SLC44A5: variants seen among roughly 807,000 people sequenced by gnomAD.
SLC44A5 encodes the protein solute carrier family 44 member 5, also known as choline transporter-like protein 5.
SLC44A5 carries 57 observed loss-of-function variants against 101.8 expected under a neutral mutation model. The ratio of observed to expected loss-of-function variants is 0.56; its 90% CI spans 0.45 to 0.70. The LOEUF is 0.70. SLC44A5 is among the 30% of genes least tolerant of loss of function. The pLI, the probability that SLC44A5 is intolerant of heterozygous loss-of-function variation, is 0.00. For missense variants in SLC44A5, 737 were observed against 853.1 expected (o/e 0.86, Z 1.70); for synonymous variants, 281 against 290.9 (o/e 0.97, Z 0.35).
At chr1:75,451,575 G>A (rs1665911370) in intron 2 of SLC44A5, among the ~76,000 whole-genome samples, 1 of 151,986 alleles carries the variant, frequency 6.6e-6, no homozygotes, top group Non-Finnish European at 1.5e-5. Flanking sequence ...AAAACTAATA[G>A]CATCTCCAGA....
intron 2 of SLC44A5, among the ~76,000 whole-genome samples, chr1:75,461,189 C>G (rs1230059962): frequency 1.3e-5 from 2 of 152,232 alleles, no homozygotes; most frequent in East Asian, 3.9e-4. Context: ...TCACATAAAC[C>G]AAAAGAGATC....
At chr1:75,212,418 C>T in intron 22 of SLC44A5, among the ~76,000 whole-genome samples, 1 of 152,116 alleles carries the variant, frequency 6.6e-6, no homozygotes, top group Non-Finnish European at 1.5e-5. Flanking sequence ...TATTTACCTA[C>T]AACTTATAAG....
At chr1:75,414,304 T>TCC (rs1663481341) in intron 2 of SLC44A5, among the ~76,000 whole-genome samples, 1 of 143,138 alleles carries the variant, frequency 7.0e-6, no homozygotes, top group African/African-American at 2.7e-5. Flanking sequence ...CATACATACA[T>TCC]ACATACATAC....
chr1:75,493,237 A>C (rs1438817315), intron 2 of SLC44A5, among the ~76,000 whole-genome samples: 2 of 152,178 alleles, frequency 1.3e-5, no homozygotes, highest in African/African-American at 4.8e-5. Flanking sequence ...TAAAAGAACA[A>C]TGACATACAT....
At chr1:75,704,216 G>A in the SLC44A5 span, among the ~76,000 whole-genome samples, 24 of 152,052 alleles carry the variant, frequency 1.6e-4, no homozygotes, top group Non-Finnish European at 2.9e-4. Context: ...TTAGGTATAA[G>A]GTATAAAAAT....
At chr1:75,357,281 G>A (rs965916590) in intron 3 of SLC44A5, 1 of 453,490 alleles carries the variant, frequency 2.2e-6, no homozygotes. Flanking sequence ...CTTGAACTTG[G>A]AGGCTCAGGC....
chr1:75,324,728 T>G (rs572500087), intron 4 of SLC44A5, among the ~76,000 whole-genome samples: 60 of 152,330 alleles, frequency 3.9e-4, no homozygotes, highest in African/African-American at 1.3e-3. Flanking sequence ...ATCATCTATT[T>G]TTTCTCACAA....
At chr1:75,550,526 A>G (rs1671882174) in intron 1 of SLC44A5, among the ~76,000 whole-genome samples, 1 of 152,116 alleles carries the variant, frequency 6.6e-6, no homozygotes, top group South Asian at 2.1e-4. Flanking sequence ...CACTTCTAAA[A>G]TGGCAAACAT....
chr1:75,387,538 A>G (rs201879594), intron 3 of SLC44A5, among the ~76,000 whole-genome samples: 663 of 61,104 alleles, frequency 0.011, 7 homozygotes, highest in Middle Eastern at 0.043. Context: ...TTAGAATGGC[A>G]ATCATTAAAA....
At position 75,202,754 on chromosome 1, in the gene SLC44A5, TTC is replaced by T. The variant is rs1247639195; in HGVS notation, c.*971_*972del. ...GTTTCCCTTTGCAATTCCTAGAAGTTTCTCTTTCTGATCTTTGTAAAACACTG... is the reference window on the plus strand; with the variant it reads ...GTTTCCCTTTGCAATTCCTAGAAGTTTCTTTCTGATCTTTGTAAAACACTG... On this transcript the variant is annotated 3_prime_UTR_variant, in exon 24 of 24. Transcript: ENST00000370859. 6.6e-6 allele frequency: 1 copy of T among 152,158 alleles called. No homozygotes were observed. Among genetic ancestry groups the T allele is most frequent in the African/African-American group, 2.4e-5 (1 of 41,448 alleles). The allele number at this position is 152,158 out of a possible 1,614,324, so 9.4% of individuals were successfully genotyped here.
intron 2 of SLC44A5, among the ~76,000 whole-genome samples, chr1:75,415,814 A>G (rs950936166): frequency 1.3e-5 from 2 of 152,170 alleles, no homozygotes; most frequent in Non-Finnish European, 2.9e-5. Context: ...GACTGGTGGC[A>G]TTTTGTCCCT....
At position 75,457,916 on chromosome 1, in the gene SLC44A5, T is replaced by A. The variant is rs1384246436; in HGVS notation, c.14-61295A>T. Among the ~76,000 whole-genome samples the A allele has an allele frequency of 2.0e-5, 3 of 150,364 alleles. 1 individual carries two copies. The Middle Eastern group carries it at 0.011, about 541-fold the overall frequency. ...GGAGGGAGAAACAAGTGGAAGTAAA[T>A]GTGGTTGGAGAAAAATCAGGACCAC... On this transcript the variant is annotated intron_variant, in intron 2 of 23. Coordinates refer to ENST00000370859, the MANE Select transcript of SLC44A5 (RefSeq NM_001130058.2).
At chr1:75,701,670 G>C in the SLC44A5 span, among the ~76,000 whole-genome samples, 1 of 152,156 alleles carries the variant, frequency 6.6e-6, no homozygotes, top group South Asian at 2.1e-4. Context: ...AATCAGGCAG[G>C]AGAAATAAAT....
chr1:75,391,407 C>G lies in SLC44A5; in HGVS notation c.52+5176G>C, dbSNP rs374245715. 1.2e-3 allele frequency among the ~76,000 whole-genome samples: 186 copies of G among 152,220 alleles called. 1 individual carries two copies. The highest frequency in any genetic ancestry group is 4.4e-3 in the African/African-American group (183 of 41,526). On this transcript the variant is annotated intron_variant, in intron 3 of 23. Coordinates refer to ENST00000370859, the MANE Select transcript of SLC44A5 (RefSeq NM_001130058.2). ...GCCCAAATAGCCAAAGCATCCTAAACAAAAAGAACAAAGTTGGCATCACAT... is the reference window on the plus strand; with the variant it reads ...GCCCAAATAGCCAAAGCATCCTAAAGAAAAAGAACAAAGTTGGCATCACAT...
intron 2 of SLC44A5, among the ~76,000 whole-genome samples, chr1:75,428,642 C>T (rs181115502): frequency 1.0e-3 from 157 of 152,262 alleles, no homozygotes; most frequent in Admixed American, 2.9e-3. Context: ...TGACAGGCAT[C>T]CCCAGTACAA....
intron 2 of SLC44A5, among the ~76,000 whole-genome samples, chr1:75,537,023 A>ATAT (rs1557885138): frequency 2.9e-5 from 1 of 34,886 alleles, no homozygotes; most frequent in Non-Finnish European, 1.3e-4. Flanking sequence ...AAAAAAAAAA[A>ATAT]AAAAAAAAAA....
intron 4 of SLC44A5, among the ~76,000 whole-genome samples, chr1:75,307,886 GCT>G (rs1257297831): frequency 3.9e-5 from 6 of 152,136 alleles, no homozygotes; most frequent in Non-Finnish European, 2.9e-5. Context: ...GAAGAATTTC[GCT>G]CTGTTACTGA....
At chr1:75,292,401 G>C (rs1653629138) in intron 5 of SLC44A5, among the ~76,000 whole-genome samples, 1 of 151,998 alleles carries the variant, frequency 6.6e-6, no homozygotes, top group African/African-American at 2.4e-5. Context: ...TTTTTTGGGA[G>C]ACCCATGAAA....
At chr1:75,396,503 T>C (rs910838884) in intron 3 of SLC44A5, 80 bp downstream of exon 3, 23 of 1,183,428 alleles carry the variant, frequency 1.9e-5, no homozygotes, top group African/African-American at 1.1e-4. Context: ...TATTCCTAGA[T>C]TTTAAAAGAA....
Sources: allele counts gnomAD v4.1 joint callset (sites outside exome capture counted in the v4.1 genomes callset), GRCh38; gene constraint gnomAD v4.1.1; transcripts MANE v1.5; gene names NCBI Gene and HGNC (gene_info 2026-07-23, HGNC 2026-07-21).